Variants in NUBPL observed in about 807,000 individuals in gnomAD.
NUBPL encodes iron-sulfur cluster transfer protein NUBPL.
NUBPL carries 31 observed loss-of-function variants against 45.7 expected under a neutral mutation model. The ratio of observed to expected loss-of-function variants is 0.68; its 90% confidence interval spans 0.51 to 0.92. The LOEUF (loss-of-function observed/expected upper bound fraction) is 0.92. Ranked by LOEUF, NUBPL falls within the 40% of genes least tolerant of loss-of-function variation. The pLI is 0.00. For synonymous variants in NUBPL, 144 were observed against 140.9 expected, an observed-to-expected ratio of 1.02 and a Z score of -0.15; for missense variants, 401 against 398.7, an observed-to-expected ratio of 1.01 and a Z score of -0.05.
intron 8 of NUBPL, among the ~76,000 whole-genome samples, chr14:31,837,238 C>T (rs1284383009): frequency 2.0e-5 from 3 of 152,104 alleles, no homozygotes. Context: ...AGAAGATCGC[C>T]TGAGTCCGGG....
intron 6 of NUBPL, among the ~76,000 whole-genome samples, chr14:31,715,959 C>T (rs2037678464): frequency 6.6e-6 from 1 of 152,118 alleles, no homozygotes. Context: ...TCTTTCTTTA[C>T]ATCCTTTTTT....
chr14:31,683,889 G>A (rs931023750), intron 6 of NUBPL, among the ~76,000 whole-genome samples: 15 of 152,106 alleles, frequency 9.9e-5, no homozygotes, highest in African/African-American at 3.4e-4. Flanking sequence ...TTAAATTCAA[G>A]TCTTAAATGA....
intron 3 of NUBPL, among the ~76,000 whole-genome samples, chr14:31,572,692 G>A (rs904124922): frequency 1.9e-4 from 29 of 152,160 alleles, no homozygotes; most frequent in Admixed American, 1.5e-3. Context: ...AAAAGATGAC[G>A]TATGGTCATG....
chr14:31,832,973 A>AT (rs2040217349), intron 8 of NUBPL, among the ~76,000 whole-genome samples: 1 of 152,154 alleles, frequency 6.6e-6, no homozygotes, highest in Non-Finnish European at 1.5e-5. Flanking sequence ...TATATAATTA[A>AT]TTTTTTCTTG....
rs550297661 is a variant in NUBPL at position 31,742,970 on chromosome 14, A to G, written c.514-44810A>G. On this transcript the variant is annotated intron_variant, in intron 6 of 10. Coordinates refer to ENST00000281081, the MANE Select transcript of NUBPL (RefSeq NM_025152.3). Reference sequence around the variant, plus strand: ...ATTTTCACTGCATTTTTAAGCCATAATCTTACCTAGATTTTATCATTAGAA... The same window carrying G: ...ATTTTCACTGCATTTTTAAGCCATAGTCTTACCTAGATTTTATCATTAGAA... Among the ~76,000 whole-genome samples the G allele has an allele frequency of 2.6e-5, 4 of 152,156 alleles. No homozygotes were observed. In the East Asian group the frequency reaches 7.7e-4, roughly 29 times the overall value.
intron 6 of NUBPL, among the ~76,000 whole-genome samples, chr14:31,754,857 C>A: frequency 9.7e-6 from 1 of 103,186 alleles, no homozygotes; most frequent in Non-Finnish European, 1.8e-5. Flanking sequence ...CCTCCCCCCA[C>A]CCCACAACAG....
chr14:31,720,700 GC>G (rs2037789805), intron 6 of NUBPL, among the ~76,000 whole-genome samples: 1 of 152,036 alleles, frequency 6.6e-6, no homozygotes, highest in Non-Finnish European at 1.5e-5. Flanking sequence ...GCTATATGTG[GC>G]TTTTAAATTA....
intron 6 of NUBPL, among the ~76,000 whole-genome samples, chr14:31,731,790 A>T (rs4981121): frequency 0.3 from 44,916 of 152,036 alleles, 7,499 homozygotes; most frequent in South Asian, 0.41. Context: ...AGCCTTCCTC[A>T]GAAGAGTATC....
intron 8 of NUBPL, among the ~76,000 whole-genome samples, chr14:31,832,290 A>T (rs147839974): frequency 1.3e-5 from 2 of 152,314 alleles, no homozygotes; most frequent in East Asian, 3.9e-4. Context: ...AATGCCAGTG[A>T]AAGTGGAAGG....
At chr14:31,754,215 T>C (rs1455368821) in intron 6 of NUBPL, among the ~76,000 whole-genome samples, 1 of 152,218 alleles carries the variant, frequency 6.6e-6, no homozygotes, top group African/African-American at 2.4e-5. Flanking sequence ...AATAGAATTA[T>C]TGTATCATCA....
At chr14:31,843,798 T>C (rs2138985313) in intron 8 of NUBPL, 1 of 152,286 alleles carries the variant, frequency 6.6e-6, no homozygotes, top group East Asian at 1.9e-4. Flanking sequence ...ACTCCCAGAG[T>C]ACATCAAGTC....
chr14:31,592,488 T>C (rs1264833006), intron 3 of NUBPL, among the ~76,000 whole-genome samples: 1 of 152,050 alleles, frequency 6.6e-6, no homozygotes, highest in Non-Finnish European at 1.5e-5. Context: ...TGGGGTGAGG[T>C]TGTCAGATTT....
At chr14:31,837,711 T>C (rs1283537811) in intron 8 of NUBPL, among the ~76,000 whole-genome samples, 2 of 152,082 alleles carry the variant, frequency 1.3e-5, no homozygotes, top group African/African-American at 4.8e-5. Context: ...AGAAGACATA[T>C]AATCAATTGA....
chr14:31,680,032 ATTGT>A (rs2036793266), intron 6 of NUBPL, among the ~76,000 whole-genome samples: 1 of 152,074 alleles, frequency 6.6e-6, no homozygotes, highest in African/African-American at 2.4e-5. Context: ...TGAATTTCAA[ATTGT>A]TTGTTGCTAG....
chr14:31,563,907 C>T (rs1236898756), intron 2 of NUBPL, among the ~76,000 whole-genome samples: 2 of 152,130 alleles, frequency 1.3e-5, no homozygotes, highest in South Asian at 4.1e-4. Context: ...TGCAATATTT[C>T]GTTTAATCCT....
intron 6 of NUBPL, among the ~76,000 whole-genome samples, chr14:31,700,678 T>G (rs1297174733): frequency 6.6e-6 from 1 of 152,082 alleles, no homozygotes; most frequent in African/African-American, 2.4e-5. Context: ...AGTGAGGGGC[T>G]TAGCACCTGG....
At chr14:31,809,118 G>C (rs894813869) in intron 7 of NUBPL, among the ~76,000 whole-genome samples, 2 of 152,192 alleles carry the variant, frequency 1.3e-5, no homozygotes, top group Non-Finnish European at 2.9e-5. Context: ...GTATCAGGAT[G>C]ATGCTGGCCT....
intron 4 of NUBPL, among the ~76,000 whole-genome samples, chr14:31,653,261 G>C (rs949293774): frequency 1.3e-5 from 2 of 152,186 alleles, no homozygotes; most frequent in South Asian, 2.1e-4. Context: ...GCAGAGAACT[G>C]TTCTGACCTT....
intron 7 of NUBPL, among the ~76,000 whole-genome samples, chr14:31,801,882 A>G (rs1238812104): frequency 6.6e-6 from 1 of 152,150 alleles, no homozygotes; most frequent in Non-Finnish European, 1.5e-5. Flanking sequence ...TTGATTTCTT[A>G]TCTCCTGGAG....
Sources: gnomAD v4.1 joint callset for allele counts (sites outside exome capture counted in the v4.1 genomes callset) on GRCh38, gnomAD v4.1.1 for gene constraint, MANE v1.5 for transcripts, NCBI Gene and HGNC (gene_info 2026-07-23, HGNC 2026-07-21) for gene names.